PHLDB2: variants seen among roughly 807,000 people sequenced by gnomAD.
PHLDB2 encodes the protein pleckstrin homology like domain family B member 2, also known as pleckstrin homology-like domain family B member 2.
A neutral mutation model predicts 123.6 loss-of-function variants in PHLDB2; 71 were observed. The ratio of observed to expected loss-of-function variants is 0.57; its 90% CI spans 0.47 to 0.70. PHLDB2 has a LOEUF of 0.70. Ranked by LOEUF, PHLDB2 falls within the 30% of genes least tolerant of loss-of-function variation. The pLI is 0.00. For missense variants in PHLDB2, 1,446 were observed against 1,519.5 expected, an observed-to-expected ratio of 0.95 and a Z score of 0.80; for synonymous variants, 547 against 541.6, an observed-to-expected ratio of 1.01 and a Z score of -0.14.
chr3:111,806,905 G>C (rs2061613935), intron 1 of PHLDB2, among the ~76,000 whole-genome samples: 1 of 151,180 alleles, frequency 6.6e-6, no homozygotes, highest in Admixed American at 6.6e-5. Flanking sequence ...TAAAGTGCTG[G>C]GATTACAAGC....
chr3:111,884,344 G>A lies in PHLDB2; in HGVS notation c.267G>A (p.Gln89=). 1 of 1,614,130 alleles carries A rather than the reference G, an allele frequency of 6.2e-7. No individual in the cohort carries two copies. The highest frequency in any genetic ancestry group is 1.6e-4 in the Middle Eastern group (1 of 6,062). ...VRSSPSLAKI[Q]GSKQFSYDGT... The stretch of plus-strand genomic sequence containing the variant: ...GCAGCCCCTCCTTAGCCAAAATCCA[G>A]GGAAGCAAGCAGTTCTCTTATGATG... The change falls in exon 2 of 18, where the codon CAG becomes CAA. Residue 89 remains glutamine, a synonymous_variant. Transcript: ENST00000431670.
intron 1 of PHLDB2, among the ~76,000 whole-genome samples, chr3:111,830,745 C>T (rs1456203448): frequency 9.1e-5 from 11 of 121,540 alleles, no homozygotes; most frequent in African/African-American, 3.4e-4. Context: ...GGAGGCGGAG[C>T]TTGCAGTGAG....
chr3:111,859,601 G>A, intron 1 of PHLDB2, 25 bp downstream of exon 1: 5 of 985,440 alleles, frequency 5.1e-6, no homozygotes, highest in Non-Finnish European at 6.0e-6. Context: ...GTGGTCGCCC[G>A]GGAGGAGGGG....
chr3:111,866,927 A>AC (rs1559875494), intron 1 of PHLDB2, among the ~76,000 whole-genome samples: 8 of 51,628 alleles, frequency 1.5e-4, no homozygotes, highest in African/African-American at 3.3e-4. Flanking sequence ...TAAGTTTCTA[A>AC]GGGGTGTGTG....
intron 1 of PHLDB2, among the ~76,000 whole-genome samples, chr3:111,831,038 GAAGGAAGA>G (rs1169987349): frequency 5.6e-4 from 31 of 54,978 alleles, no homozygotes; most frequent in African/African-American, 1.6e-3. Context: ...AGAAAGGAAG[GAAGGAAGA>G]AAGAGAAAAG....
chr3:111,877,535 T>C (rs550505226), intron 1 of PHLDB2, among the ~76,000 whole-genome samples: 1 of 152,334 alleles, frequency 6.6e-6, no homozygotes, highest in African/African-American at 2.4e-5. Context: ...ACTCTGATAA[T>C]AGTATCTTTT....
At chr3:111,900,522 A>C (rs2067134989) in intron 2 of PHLDB2, among the ~76,000 whole-genome samples, 1 of 152,184 alleles carries the variant, frequency 6.6e-6, no homozygotes, top group African/African-American at 2.4e-5. Context: ...CTGTTGATGG[A>C]GCGGTTAGAA....
chr3:111,781,915 A>G (rs1465626658), intron 1 of PHLDB2, among the ~76,000 whole-genome samples: 1 of 152,060 alleles, frequency 6.6e-6, no homozygotes, highest in Non-Finnish European at 1.5e-5. Flanking sequence ...GGCAGCTGTA[A>G]ACAGAAGCAG....
chr3:111,889,189 CA>C (rs1334838557), intron 2 of PHLDB2, among the ~76,000 whole-genome samples: 1 of 152,134 alleles, frequency 6.6e-6, no homozygotes, highest in Non-Finnish European at 1.5e-5. Context: ...CATCATAAAA[CA>C]TTCAAGTTTT....
chr3:111,946,053 A>G (rs568871693), intron 9 of PHLDB2, among the ~76,000 whole-genome samples: 18 of 122,654 alleles, frequency 1.5e-4, no homozygotes, highest in African/African-American at 6.0e-4. Flanking sequence ...ATTTTTTGAG[A>G]CAGAGTCTTA....
intron 12 of PHLDB2, among the ~76,000 whole-genome samples, chr3:111,960,741 G>A (rs1435636452): frequency 6.6e-6 from 1 of 152,216 alleles, no homozygotes; most frequent in Non-Finnish European, 1.5e-5. Flanking sequence ...GTCCAGTTGT[G>A]AACTCTGAAT....
At chr3:111,760,425 A>G (rs1057045498) in intron 1 of PHLDB2, among the ~76,000 whole-genome samples, 7 of 152,214 alleles carry the variant, frequency 4.6e-5, no homozygotes, top group Admixed American at 1.3e-4. Context: ...ATCAATAACC[A>G]TAGCTTCCAT....
intron 3 of PHLDB2, 35 bp downstream of exon 3, chr3:111,913,737 G>A: frequency 6.4e-7 from 1 of 1,553,066 alleles, no homozygotes; most frequent in Non-Finnish European, 8.8e-7. Context: ...TAGGATTTAA[G>A]GTCTAGGGCT....
chr3:111,866,570 C>T (rs1044643275), intron 1 of PHLDB2, among the ~76,000 whole-genome samples: 12 of 152,080 alleles, frequency 7.9e-5, no homozygotes, highest in Non-Finnish European at 1.6e-4. Flanking sequence ...GCGGCAAGAT[C>T]GGAGAGTTTC....
chr3:111,769,272 G>T (rs1372412601), intron 1 of PHLDB2, among the ~76,000 whole-genome samples: 2 of 152,194 alleles, frequency 1.3e-5, no homozygotes, highest in African/African-American at 4.8e-5. Context: ...AGCACTAGGA[G>T]CATGAAGAGT....
chr3:111,819,610 A>C (rs575062579), intron 1 of PHLDB2, among the ~76,000 whole-genome samples: 1 of 152,332 alleles, frequency 6.6e-6, no homozygotes, highest in African/African-American at 2.4e-5. Flanking sequence ...GAGAAGCTGG[A>C]TAAAATGCCC....
chr3:111,949,423 GT>G (rs2070562327), intron 10 of PHLDB2, among the ~76,000 whole-genome samples: 1 of 152,056 alleles, frequency 6.6e-6, no homozygotes, highest in Admixed American at 6.6e-5. Context: ...GTTTGACTTT[GT>G]TTTCGATTTT....
intron 1 of PHLDB2, among the ~76,000 whole-genome samples, chr3:111,822,995 T>A (rs2108416584): frequency 6.6e-6 from 1 of 152,364 alleles, no homozygotes; most frequent in Non-Finnish European, 1.5e-5. Flanking sequence ...GCAACATGCT[T>A]TCCTGGAAGG....
At chr3:111,905,078 T>A (rs572255904) in intron 2 of PHLDB2, among the ~76,000 whole-genome samples, 2 of 152,350 alleles carry the variant, frequency 1.3e-5, no homozygotes, top group East Asian at 3.9e-4. Context: ...TAAGTCTCTC[T>A]GTGCCTCACT....
Sources: allele counts gnomAD v4.1 joint callset (sites outside exome capture counted in the v4.1 genomes callset), GRCh38; gene constraint gnomAD v4.1.1; transcripts MANE v1.5; gene names NCBI Gene and HGNC (gene_info 2026-07-23, HGNC 2026-07-21).